The following UTP20 variants were observed in gnomAD, a reference collection of about 807,000 sequenced individuals.
The protein encoded by UTP20 is small subunit processome component 20 homolog.
A neutral mutation model predicts 329.5 loss-of-function variants in UTP20; 164 were observed. That is an observed-to-expected ratio of 0.50 (90% CI 0.44 to 0.57). UTP20 has a LOEUF of 0.57. Among genes scored for constraint, UTP20 ranks in the 20% least tolerant of loss-of-function variants. UTP20 has a pLI of 0.00. For synonymous variants in UTP20, 1,151 were observed against 1,159.3 expected (o/e 0.99, Z 0.14); for missense variants, 3,055 against 3,284.2 (o/e 0.93, Z 1.71).
At chr12:101,306,978 A>G (rs1467263741) in intron 17 of UTP20, among the ~76,000 whole-genome samples, 1 of 151,884 alleles carries the variant, frequency 6.6e-6, no homozygotes, top group Non-Finnish European at 1.5e-5. Context: ...TTGAGACCAT[A>G]CTGGCTAACA....
intron 21 of UTP20, among the ~76,000 whole-genome samples, chr12:101,316,974 G>C (rs1872990103): frequency 6.6e-6 from 1 of 152,144 alleles, no homozygotes; most frequent in African/African-American, 2.4e-5. Flanking sequence ...TTGTCATGTT[G>C]TGGCTGCTCA....
chr12:101,343,425 T>C (rs1296676605), intron 35 of UTP20, among the ~76,000 whole-genome samples: 2 of 152,176 alleles, frequency 1.3e-5, no homozygotes, highest in Non-Finnish European at 2.9e-5. Flanking sequence ...CTAATGGGTA[T>C]AGGGTTTCTT....
At chr12:101,305,544 A>G (rs1435859736) in intron 15 of UTP20, among the ~76,000 whole-genome samples, 3 of 147,946 alleles carry the variant, frequency 2.0e-5, no homozygotes, top group East Asian at 1.9e-4. Flanking sequence ...ATATATGTAT[A>G]TATTATATTA....
Position 101,331,614 on chromosome 12 carries a change from G to A in UTP20, c.3418-1687G>A, listed in dbSNP as rs146551442. Among the ~76,000 whole-genome samples, 410 of 152,246 alleles carry A rather than the reference G, an allele frequency of 2.7e-3. 2 individuals carry two copies. The highest frequency in any genetic ancestry group is 4.7e-3 in the Non-Finnish European group (321 of 68,028). ...TATTTACTTGAATTTAAAATGTGCT[G>A]TATCAGATTCAAATACCTCTGTCTG... is the stretch of plus-strand genomic sequence containing the variant. On this transcript the variant is annotated intron_variant, in intron 27 of 61. Transcript: ENST00000261637.
At chr12:101,311,400 C>A (rs1472556) in intron 19 of UTP20, among the ~76,000 whole-genome samples, 27,629 of 152,060 alleles carry the variant, frequency 0.18, 3,067 homozygotes, top group East Asian at 0.37. Context: ...CTCCAGAGGG[C>A]CCCTTCTTCT....
chr12:101,315,822 C>G (rs1236895222), intron 21 of UTP20, among the ~76,000 whole-genome samples: 1 of 152,072 alleles, frequency 6.6e-6, no homozygotes, highest in Non-Finnish European at 1.5e-5. Context: ...TGTTAATTTT[C>G]CAAGTTTTTC....
chr12:101,364,095 T>A (rs1870019332), intron 45 of UTP20, among the ~76,000 whole-genome samples: 1 of 152,194 alleles, frequency 6.6e-6, no homozygotes, highest in South Asian at 2.1e-4. Flanking sequence ...GTTATGTCCA[T>A]GTTTGAAATT....
chr12:101,356,585 A>G lies in UTP20; in HGVS notation c.5426A>G (p.Lys1809Arg). ...AGGGAAGAAGAACACAAGCTTGTCA[A>G]GTCAAAGGTTGTGAATGATGAGGAA... ...TKREEEHKLV[K>R]SKVVNDEEVV... Residue 1809 changes from lysine (K) to arginine (R), a missense_variant, in exon 42 of 62, where the codon AAG becomes AGG. By Grantham distance (26) the Lys-to-Arg change is conservative. This residue lies in a region of UTP20 where 2,445 missense variants were observed against 2,575.5 expected (regional missense o/e 0.95). Coordinates refer to ENST00000261637, the MANE Select transcript of UTP20 (RefSeq NM_014503.3). The G allele has an allele frequency of 1.2e-6, 2 of 1,613,584 alleles. No homozygotes were observed. The highest frequency in any genetic ancestry group is 1.1e-5 in the South Asian group (1 of 90,896).
At position 101,373,432 on chromosome 12, in the gene UTP20, T is replaced by C; in HGVS notation, c.6910T>C (p.Leu2304=). Residue 2304 remains leucine, a synonymous_variant, in exon 53 of 62, where the codon TTG becomes CTG. Coordinates refer to ENST00000261637, the MANE Select transcript of UTP20 (RefSeq NM_014503.3). ...YEHETGREST[L]EMIAYLFDTF... ...ACATGAGACCGGGAGAGAGTCCACCTTGGAAATGATCGCCTATCTCTTTGA... is the reference window on the plus strand; with the variant it reads ...ACATGAGACCGGGAGAGAGTCCACCCTGGAAATGATCGCCTATCTCTTTGA... The C allele has an allele frequency of 6.2e-7, 1 of 1,614,206 alleles. No homozygotes were observed. Among genetic ancestry groups the C allele is most frequent in the Non-Finnish European group, 8.5e-7 (1 of 1,180,032 alleles).
Position 101,311,755 on chromosome 12 carries a change from G to C in UTP20, c.2268G>C (p.Trp756Cys). ...HAHEMENKQF[W>C]KVYYEHLEKA... ...ACGAAATGGAAAATAAGCAATTTTG[G>C]AAAGTCTACTATGAGCATCTAGAAA... The change falls in exon 20 of 62, where the codon TGG (tryptophan) becomes TGC (cysteine). Residue 756 changes from tryptophan (W) to cysteine (C), a missense_variant. Physicochemically the swap from Trp to Cys is radical, Grantham distance 215 (BLOSUM62 -2). This residue lies in a region of UTP20 where 2,445 missense variants were observed against 2,575.5 expected (regional missense o/e 0.95). Transcript: ENST00000261637. 6.2e-7 allele frequency: 1 copy of C among 1,612,882 alleles called. No homozygotes were observed.
At chr12:101,370,672 T>A in intron 50 of UTP20, 109 bp downstream of exon 50, 1 of 1,184,126 alleles carries the variant, frequency 8.4e-7, no homozygotes, top group Non-Finnish European at 1.2e-6. Flanking sequence ...TGAAATTGAG[T>A]AATTTGTAAA....
In UTP20 at chr12:101,308,424, A is replaced by AAACAAT. The variant is rs1555198914; in HGVS notation, c.2154+83_2154+84insCAATAA. ...GGGGAAGCACATCAAGTAGTCACCA[A>AAACAAT]AATAATAATAATAATAATAATAATA... On this transcript the variant is annotated intron_variant, in intron 18 of 61. Transcript: ENST00000261637. 4.5e-6 allele frequency: 3 copies of AAACAAT among 659,458 alleles called. No individual in the cohort carries two copies. In the Admixed American group the frequency reaches 1.5e-4, roughly 33 times the overall value. 40.9% of individuals were successfully genotyped at this position (659,458 alleles called of 1,614,324 possible).
intron 11 of UTP20, 59 bp from the exon 12 acceptor site, chr12:101,295,421 T>G: frequency 7.0e-7 from 1 of 1,436,408 alleles, no homozygotes; most frequent in Non-Finnish European, 9.2e-7. Context: ...TTTGAATTGT[T>G]AGCATCTTCT....
chr12:101,291,603 T>C (rs1872157685), intron 8 of UTP20, 139 bp from the exon 9 acceptor site: 1 of 747,678 alleles, frequency 1.3e-6, no homozygotes. Flanking sequence ...GCTGTTATCG[T>C]TAGTGAGTCC....
intron 25 of UTP20, among the ~76,000 whole-genome samples, chr12:101,322,269 C>T (rs1474205769): frequency 1.3e-5 from 2 of 152,078 alleles, no homozygotes; most frequent in African/African-American, 2.4e-5. Context: ...GGATTACAGG[C>T]GTGAGCCACT....
chr12:101,281,164 C>T lies in UTP20; in HGVS notation c.94C>T (p.His32Tyr). 1.9e-6 allele frequency: 3 copies of T among 1,613,244 alleles called. No homozygotes were observed. The highest frequency in any genetic ancestry group is 2.5e-6 in the Non-Finnish European group (3 of 1,179,570). Residue 32 changes from histidine to tyrosine, a missense_variant, in exon 2 of 62, where the codon CAC (histidine) becomes TAC (tyrosine). His to Tyr is a moderately conservative substitution (Grantham distance 83, BLOSUM62 2). Transcript: ENST00000261637. ...GGGGAATGTTAATATTGATATTATT[C>T]ACCGGATTGATAGAACTGCAAGCTA... ...RLGNVNIDII[H>Y]RIDRTASYEE...
chr12:101,369,728 C>T lies in UTP20; in HGVS notation c.6392C>T (p.Thr2131Ile). ...TTGTTTTGTTTTTTTCAGGTGATCACAGGTGCTTTACAGTGCCTCATCTGG... is the reference window on the plus strand; with the variant it reads ...TTGTTTTGTTTTTTTCAGGTGATCATAGGTGCTTTACAGTGCCTCATCTGG... ...CLGSMDVKVI[T>I]GALQCLIWVL... is the part of the protein sequence containing the mutation. Residue 2131 changes from threonine (T) to isoleucine (I), a missense_variant, in exon 49 of 62, where the codon ACA (threonine) becomes ATA (isoleucine). Thr to Ile is a moderately conservative substitution (Grantham distance 89). Around this residue, in one of 3 missense-constraint regions of UTP20, gnomAD observed 2,445 missense variants for 2,575.5 expected, o/e 0.95. Transcript: ENST00000261637. 1 of 1,552,450 alleles carries T rather than the reference C, an allele frequency of 6.4e-7. No homozygotes were observed. Among genetic ancestry groups the T allele is most frequent in the Non-Finnish European group, 8.9e-7 (1 of 1,124,430 alleles).
At chr12:101,293,370 A>C in intron 11 of UTP20, 125 bp downstream of exon 11, 1 of 784,972 alleles carries the variant, frequency 1.3e-6, no homozygotes, top group East Asian at 2.6e-5. Flanking sequence ...TTGATGTTTT[A>C]GTCAATATGT....
intron 56 of UTP20, among the ~76,000 whole-genome samples, chr12:101,376,790 C>T (rs972136458): frequency 6.6e-6 from 1 of 152,196 alleles, no homozygotes; most frequent in Non-Finnish European, 1.5e-5. Context: ...GCTGGGATTA[C>T]AGGCACATGC....
Sources: allele counts gnomAD v4.1 joint callset (sites outside exome capture counted in the v4.1 genomes callset), GRCh38; gene constraint gnomAD v4.1.1; regional missense constraint gnomAD v4.1.1; transcripts MANE v1.5; gene names NCBI Gene and HGNC (gene_info 2026-07-23, HGNC 2026-07-21).